Variants in SLC35F4 observed in about 807,000 individuals in gnomAD.
The protein encoded by SLC35F4 is chromosome 14 open reading frame 36.
Under a neutral mutation model 44.2 loss-of-function variants are expected in SLC35F4, and 24 were observed. That is an observed-to-expected ratio of 0.54 (90% CI 0.39 to 0.76). SLC35F4 has a LOEUF of 0.76. Ranked by LOEUF, SLC35F4 falls within the 30% of genes least tolerant of loss-of-function variation. The pLI, the probability that SLC35F4 is intolerant of heterozygous loss-of-function variation, is 0.00. For missense variants in SLC35F4, 562 were observed against 586.1 expected (o/e 0.96, Z 0.42); for synonymous variants, 238 against 223.6 (o/e 1.06, Z -0.57).
intron 1 of SLC35F4, among the ~76,000 whole-genome samples, chr14:57,662,796 T>C (rs1363646293): frequency 6.6e-6 from 1 of 152,158 alleles, no homozygotes; most frequent in Non-Finnish European, 1.5e-5. Context: ...TCATTCTCCA[T>C]CCTTTTCCAC....
chr14:57,587,711 T>C (rs141725381), intron 3 of SLC35F4, among the ~76,000 whole-genome samples: 180 of 152,212 alleles, frequency 1.2e-3, no homozygotes, highest in African/African-American at 4.1e-3. Flanking sequence ...CCATGGCACA[T>C]GTATACCCAT....
At chr14:57,883,819 G>C (rs1046497263) in intron 1 of SLC35F4, among the ~76,000 whole-genome samples, 2 of 152,114 alleles carry the variant, frequency 1.3e-5, no homozygotes, top group African/African-American at 2.4e-5. Flanking sequence ...CTATTGAAGT[G>C]CTAATATAGT....
intron 1 of SLC35F4, among the ~76,000 whole-genome samples, chr14:57,611,603 A>C (rs190795775): frequency 1.1e-4 from 16 of 152,254 alleles, no homozygotes; most frequent in African/African-American, 3.9e-4. Flanking sequence ...AAAAAACAAA[A>C]AAAAGAGTTA....
chr14:57,770,574 G>C (rs1202013826), intron 1 of SLC35F4, among the ~76,000 whole-genome samples: 1 of 152,108 alleles, frequency 6.6e-6, no homozygotes, highest in Non-Finnish European at 1.5e-5. Flanking sequence ...TTAAACTCTT[G>C]GACTATTTTT....
chr14:57,774,622 C>G (rs935386664), intron 1 of SLC35F4, among the ~76,000 whole-genome samples: 1 of 152,188 alleles, frequency 6.6e-6, no homozygotes, highest in African/African-American at 2.4e-5. Context: ...TGGCCTTTCT[C>G]AGGGCCTCCA....
rs1038671712 is a variant in SLC35F4 at position 57,566,584 on chromosome 14, A to T, written c.1127-20T>A. ...TGAAGGCTGTAAAATAGAGGAGGAA[A>T]TGCAAGATGAAAGAGAAATAATACG... On this transcript the variant is annotated intron_variant, in intron 6 of 7. Coordinates refer to ENST00000556826, the MANE Select transcript of SLC35F4 (RefSeq NM_001306087.2). The T allele has an allele frequency of 6.4e-7, 1 of 1,574,554 alleles. No individual in the cohort carries two copies. The highest frequency in any genetic ancestry group is 8.6e-7 in the Non-Finnish European group (1 of 1,158,554).
At chr14:57,771,086 T>C (rs1051439767) in intron 1 of SLC35F4, among the ~76,000 whole-genome samples, 1 of 152,190 alleles carries the variant, frequency 6.6e-6, no homozygotes, top group African/African-American at 2.4e-5. Flanking sequence ...TGACTGCTTT[T>C]TTAGCATAGA....
At chr14:57,747,631 A>C (rs1187927042) in intron 1 of SLC35F4, among the ~76,000 whole-genome samples, 1 of 152,142 alleles carries the variant, frequency 6.6e-6, no homozygotes, top group Admixed American at 6.6e-5. Context: ...ATCTCATTTC[A>C]TTACATCACT....
intron 1 of SLC35F4, among the ~76,000 whole-genome samples, chr14:57,915,509 C>G (rs1262412124): frequency 6.6e-6 from 1 of 152,222 alleles, no homozygotes; most frequent in Non-Finnish European, 1.5e-5. Flanking sequence ...ATCTTCTTCA[C>G]ATCTCACTAT....
chr14:57,978,306 G>C (rs1881277278), intron 1 of SLC35F4, among the ~76,000 whole-genome samples: 1 of 152,200 alleles, frequency 6.6e-6, no homozygotes, highest in Admixed American at 6.5e-5. Flanking sequence ...CTACTCTGAA[G>C]ACAGCTGTGA....
chr14:57,862,746 G>T (rs2141014533), intron 1 of SLC35F4, among the ~76,000 whole-genome samples: 1 of 152,250 alleles, frequency 6.6e-6, no homozygotes, highest in South Asian at 2.1e-4. Flanking sequence ...TTAAAATTGT[G>T]ATAATTTCTA....
At chr14:57,823,991 A>C (rs1410297714) in intron 1 of SLC35F4, among the ~76,000 whole-genome samples, 1 of 152,144 alleles carries the variant, frequency 6.6e-6, no homozygotes, top group Non-Finnish European at 1.5e-5. Context: ...ATTTCAGCTA[A>C]TTTTATATCA....
At chr14:57,754,714 C>T (rs1008462007) in intron 1 of SLC35F4, among the ~76,000 whole-genome samples, 1 of 152,212 alleles carries the variant, frequency 6.6e-6, no homozygotes, top group Non-Finnish European at 1.5e-5. Context: ...TGTATTCCAC[C>T]TAGCACAGGC....
Position 57,865,751 on chromosome 14 carries a change from G to T in SLC35F4, c.75C>A (p.Gly25=). The change falls in exon 1 of 8, where the codon GGC becomes GGA. Residue 25 remains glycine (G), a synonymous_variant. Coordinates refer to ENST00000556826, the MANE Select transcript of SLC35F4 (RefSeq NM_001306087.2). ...TCTGGCTGGAGTAACCTGGATAATA[G>T]CCATAGTAGCCGGTGATCCGCAGGA... The part of the protein sequence containing the change: ...DRILRITGYY[G]YYPGYSSQKS... The T allele has an allele frequency of 6.6e-7, 1 of 1,523,914 alleles. No homozygotes were observed. Among genetic ancestry groups the T allele is most frequent in the Non-Finnish European group, 8.8e-7 (1 of 1,141,992 alleles). 94.4% of individuals were successfully genotyped at this position (1,523,914 alleles called of 1,614,324 possible). A position where few individuals can be genotyped will look rare whatever the true frequency, so the allele number is the denominator to read the frequency against.
intron 1 of SLC35F4, among the ~76,000 whole-genome samples, chr14:57,734,794 A>G (rs2076424806): frequency 6.6e-6 from 1 of 152,194 alleles, no homozygotes; most frequent in Non-Finnish European, 1.5e-5. Context: ...TTCTCTCACT[A>G]GCTTAATACC....
Position 57,892,610 on chromosome 14 carries a change from C to A in SLC35F4, n.282+89303G>T, listed in dbSNP as rs149489143. Among the ~76,000 whole-genome samples the A allele has an allele frequency of 5.0e-4, 76 of 152,316 alleles. 1 individual carries two copies. Among genetic ancestry groups the A allele is most frequent in the Admixed American group, 3.1e-3 (48 of 15,288 alleles). On this transcript the variant is annotated intron_variant and non_coding_transcript_variant, in intron 1 of 1. Coordinates refer to the SLC35F4 transcript ENST00000556568. ...CGTTTACAAGACCTACAATGGTTAT[C>A]AATACCAATCAATCTCTCAAGTGAT...
intron 1 of SLC35F4, among the ~76,000 whole-genome samples, chr14:57,893,344 A>G (rs955583870): frequency 2.0e-5 from 3 of 152,120 alleles, no homozygotes; most frequent in African/African-American, 7.2e-5. Flanking sequence ...CATTACATAC[A>G]TTGTCTCTTT....
At chr14:57,621,215 T>A (rs1037205665) in intron 1 of SLC35F4, among the ~76,000 whole-genome samples, 16 of 150,084 alleles carry the variant, frequency 1.1e-4, no homozygotes, top group Non-Finnish European at 1.5e-4. Context: ...GTAGGAAGAA[T>A]CAATATCGTG....
At chr14:57,706,693 G>C (rs576287748) in intron 1 of SLC35F4, among the ~76,000 whole-genome samples, 1 of 152,272 alleles carries the variant, frequency 6.6e-6, no homozygotes, top group Non-Finnish European at 1.5e-5. Context: ...TGGAGTGGGC[G>C]AAAGAAAGCT....
Sources: allele counts gnomAD v4.1 joint callset (sites outside exome capture counted in the v4.1 genomes callset), GRCh38; gene constraint gnomAD v4.1.1; transcripts MANE v1.5; gene names NCBI Gene and HGNC (gene_info 2026-07-23, HGNC 2026-07-21).